Variants in GOLGA8B observed in about 807,000 individuals in gnomAD.
The protein encoded by GOLGA8B is golgin subfamily A member 8B.
In GOLGA8B, 1 loss-of-function variant was observed where a neutral mutation model predicts 15.6. That is an observed-to-expected ratio of 0.06 (90% CI 0.02 to 0.30). The LOEUF is 0.30. Among genes scored for constraint, GOLGA8B ranks in the 10% least tolerant of loss-of-function variants. The pLI is 1.00. For synonymous variants in GOLGA8B, 9 were observed against 80.3 expected (o/e 0.11, Z 4.75); for missense variants, 17 against 201.3 (o/e 0.08, Z 5.54).
At chr15:34,579,965 A>T (rs1173811390) in intron 1 of GOLGA8B, among the ~76,000 whole-genome samples, 1 of 152,218 alleles carries the variant, frequency 6.6e-6, no homozygotes, top group Non-Finnish European at 1.5e-5. Context: ...ACACAAAGCA[A>T]GGTTAACAAG....
chr15:34,575,576 T>G (rs1398144216), intron 1 of GOLGA8B, among the ~76,000 whole-genome samples: 1 of 151,822 alleles, frequency 6.6e-6, no homozygotes, highest in Non-Finnish European at 1.5e-5. Context: ...CTACACAAAC[T>G]ACATAATCCT....
At position 34,525,401 on chromosome 15, in the gene GOLGA8B, C is replaced by T. The variant is rs1044594127; in HGVS notation, c.*2231G>A. On this transcript the variant is annotated 3_prime_UTR_variant, in exon 24 of 24. Coordinates refer to ENST00000683415, the MANE Select transcript of GOLGA8B (RefSeq NM_001023567.5). The stretch of plus-strand genomic sequence containing the variant: ...CACATTCTGTTAACAAGAACCCATA[C>T]ATTGGTAAAATTCATTCTAAGAAAA... The T allele has an allele frequency of 6.7e-6, 1 of 149,972 alleles. No homozygotes were observed. The highest frequency in any genetic ancestry group is 6.8e-5 in the Admixed American group (1 of 14,778). 9.3% of individuals were successfully genotyped at this position (149,972 alleles called of 1,614,324 possible).
chr15:34,539,409 C>T (rs1028478757), intron 7 of GOLGA8B, among the ~76,000 whole-genome samples: 1 of 84,978 alleles, frequency 1.2e-5, no homozygotes, highest in African/African-American at 3.8e-5. Flanking sequence ...CAGAACACGG[C>T]GCCACAGTGC....
At chr15:34,577,507 T>TACACAC (rs71119972) in intron 1 of GOLGA8B, among the ~76,000 whole-genome samples, 64 of 125,298 alleles carry the variant, frequency 5.1e-4, no homozygotes, top group East Asian at 1.2e-3. Flanking sequence ...TTATATATCA[T>TACACAC]ACACACACAC....
intron 1 of GOLGA8B, among the ~76,000 whole-genome samples, chr15:34,578,937 G>C (rs1889156177): frequency 6.6e-6 from 1 of 152,070 alleles, no homozygotes; most frequent in Non-Finnish European, 1.5e-5. Flanking sequence ...TCTCTCACTA[G>C]GCCGTAGCTG....
intron 1 of GOLGA8B, among the ~76,000 whole-genome samples, chr15:34,581,653 G>C (rs952096707): frequency 6.6e-6 from 1 of 151,978 alleles, no homozygotes; most frequent in Non-Finnish European, 1.5e-5. Context: ...CTTGGGTCTG[G>C]GGTGTCAGAG....
At chr15:34,569,253 T>C (rs141218586) in intron 1 of GOLGA8B, among the ~76,000 whole-genome samples, 11,270 of 141,124 alleles carry the variant, frequency 0.08, 134 homozygotes, top group South Asian at 0.2. Context: ...AATGGGGCAT[T>C]TGGGGACCGC....
chr15:34,577,437 T>A (rs1298455221), intron 1 of GOLGA8B, among the ~76,000 whole-genome samples: 8 of 148,650 alleles, frequency 5.4e-5, no homozygotes, highest in South Asian at 2.1e-4. Context: ...GAATCCATAT[T>A]TAGAGCTGCC....
intron 1 of GOLGA8B, among the ~76,000 whole-genome samples, chr15:34,569,610 T>C (rs563472209): frequency 6.6e-6 from 1 of 151,970 alleles, no homozygotes; most frequent in East Asian, 1.9e-4. Context: ...TCTCATAAGA[T>C]GAGAAAATGA....
intron 1 of GOLGA8B, among the ~76,000 whole-genome samples, chr15:34,571,975 T>C (rs1352896824): frequency 6.6e-6 from 1 of 152,012 alleles, no homozygotes; most frequent in African/African-American, 2.4e-5. Context: ...AAGGAAAAGC[T>C]ACACAAATCA....
intron 3 of GOLGA8B, among the ~76,000 whole-genome samples, chr15:34,551,990 G>A (rs1266593524): frequency 5.8e-5 from 6 of 103,408 alleles, no homozygotes; most frequent in African/African-American, 2.8e-4. Context: ...GAGCCTGGGA[G>A]GTTGTGGTCT....
chr15:34,551,364 T>TG (rs1322258679), intron 3 of GOLGA8B, 88 bp from the exon 4 acceptor site: 1 of 22,438 alleles, frequency 4.5e-5, no homozygotes, highest in East Asian at 6.2e-4. Flanking sequence ...CTTGACTCAA[T>TG]GGGGGACAAG....
At chr15:34,556,986 A>C (rs1450043113) in intron 1 of GOLGA8B, among the ~76,000 whole-genome samples, 1 of 147,458 alleles carries the variant, frequency 6.8e-6, no homozygotes, top group Non-Finnish European at 1.5e-5. Context: ...TGTTGCGTGG[A>C]TGCTCCGGCC....
In GOLGA8B at chr15:34,572,459, C is replaced by T. The variant is rs1340113318; in HGVS notation, c.-1123+11057G>A. Among the ~76,000 whole-genome samples, 5 of 152,238 alleles carry T rather than the reference C, an allele frequency of 3.3e-5. No homozygotes were observed. The East Asian group carries it at 9.6e-4, about 29-fold the overall frequency. On this transcript the variant is annotated intron_variant, in intron 1 of 23. Transcript: ENST00000683415. ...ATATTATGCAAGCGTCAGAATAATG[C>T]TGCTTGCGCAAAGGACAAGGGAGCA...
At position 34,527,394 on chromosome 15, in the gene GOLGA8B, A is replaced by C; in HGVS notation, c.*238T>G. 1 of 519,042 alleles carries C rather than the reference A, an allele frequency of 1.9e-6. No homozygotes were observed. Among genetic ancestry groups the C allele is most frequent in the Non-Finnish European group, 3.2e-6 (1 of 310,498 alleles). 32.2% of individuals were successfully genotyped at this position (519,042 alleles called of 1,614,324 possible). A position where few individuals can be genotyped will look rare whatever the true frequency, so the allele number is the denominator to read the frequency against. Reference sequence around the variant, plus strand: ...TCGATATGCATGCTAATGACCTACAATTATGAAATGAAAAAAGAAAAATGC... The same window carrying C: ...TCGATATGCATGCTAATGACCTACACTTATGAAATGAAAAAAGAAAAATGC... On this transcript the variant is annotated 3_prime_UTR_variant, in exon 24 of 24. Transcript: ENST00000683415.
At chr15:34,558,250 GTTTTTT>G (rs34414203) in intron 1 of GOLGA8B, among the ~76,000 whole-genome samples, 2 of 25,292 alleles carry the variant, frequency 7.9e-5, no homozygotes, top group African/African-American at 3.1e-4. Flanking sequence ...CTGGTCCTGG[GTTTTTT>G]TTTTTTTTTT....
At chr15:34,579,459 G>A (rs79642675) in intron 1 of GOLGA8B, among the ~76,000 whole-genome samples, 11 of 152,300 alleles carry the variant, frequency 7.2e-5, no homozygotes, top group South Asian at 2.1e-4. Flanking sequence ...GCAGGGAGAC[G>A]CAGCGCTGAC....
intron 1 of GOLGA8B, among the ~76,000 whole-genome samples, chr15:34,564,770 G>A (rs2140346115): frequency 7.0e-6 from 1 of 143,822 alleles, no homozygotes; most frequent in African/African-American, 2.5e-5. Flanking sequence ...GCTTTGAGCT[G>A]GCAAGGCTAA....
rs867105162 is a variant in GOLGA8B at position 34,563,883 on chromosome 15, C to T, written c.-1122-9927G>A. Among the ~76,000 whole-genome samples, 36 of 143,398 alleles carry T rather than the reference C, an allele frequency of 2.5e-4. No individual in the cohort carries two copies. In the South Asian group the frequency reaches 7.8e-3, roughly 31 times the overall value. The allele number at this position is 143,398 out of a possible 152,430, so 94.1% of individuals were successfully genotyped here. ...TGCATATGGTAGTGTTTTATTTTTG[C>T]ATTTTTACTTTTATATTAAATAAGA... On this transcript the variant is annotated intron_variant, in intron 1 of 23. Coordinates refer to ENST00000683415, the MANE Select transcript of GOLGA8B (RefSeq NM_001023567.5).
Sources: gnomAD v4.1 joint callset for allele counts (sites outside exome capture counted in the v4.1 genomes callset) on GRCh38, gnomAD v4.1.1 for gene constraint, MANE v1.5 for transcripts, NCBI Gene and HGNC (gene_info 2026-07-23, HGNC 2026-07-21) for gene names.